The following ZNF12 variants were observed in gnomAD, a reference collection of about 807,000 sequenced individuals.
ZNF12 encodes the protein gonadotropin inducible transcription repressor 3.
In ZNF12, 34 loss-of-function variants were observed where a neutral mutation model predicts 66.6. The observed-to-expected ratio is 0.51, with a 90% CI of 0.39 to 0.68. The LOEUF (loss-of-function observed/expected upper bound fraction) is 0.68. ZNF12 is among the 30% of genes least tolerant of loss of function. The probability of loss-of-function intolerance (pLI) is 0.00; values close to 1 mark genes in which losing one functional copy is unlikely to be tolerated. For missense variants in ZNF12, 697 were observed against 826.9 expected (o/e 0.84, Z 1.93); for synonymous variants, 320 against 278.9 (o/e 1.15, Z -1.47).
rs1335691826 is a variant in ZNF12, at chr7:6,698,285, G to T, written c.16-474C>A. The stretch of plus-strand genomic sequence containing the variant: ...TCATCCTGAATGTTGTGGGCCTACG[G>T]CTGTCTTGAGTCTTTTTCTCTTTGC... On this transcript the variant is annotated intron_variant, in intron 2 of 4. Transcript: ENST00000405858. The surrounding 1 kb of genome is among the most constrained non-coding windows in gnomAD (Gnocchi z 4.4). Among the ~76,000 whole-genome samples, 2 of 152,116 alleles carry T rather than the reference G, an allele frequency of 1.3e-5. No individual in the cohort carries two copies. The highest frequency in any genetic ancestry group is 2.4e-5 in the African/African-American group (1 of 41,428).
chr7:6,693,680 C>A (rs1350412357), intron 4 of ZNF12, among the ~76,000 whole-genome samples: 6 of 152,208 alleles, frequency 3.9e-5, no homozygotes, highest in Admixed American at 3.9e-4. Context: ...TGTAGGATTG[C>A]AGCAGTTAAT....
intron 2 of ZNF12, among the ~76,000 whole-genome samples, chr7:6,701,764 C>G (rs1345646472): frequency 6.6e-6 from 1 of 152,078 alleles, no homozygotes; most frequent in South Asian, 2.1e-4. Context: ...TCTCTGTCCC[C>G]TCTGGCTGAC....
rs774566362 is a variant in ZNF12, at chr7:6,697,675, CT to C, written c.142+9del. 3 of 1,613,608 alleles carry C rather than the reference CT, an allele frequency of 1.9e-6. No individual in the cohort carries two copies. The highest frequency in any genetic ancestry group is 2.5e-6 in the Non-Finnish European group (3 of 1,179,842). On this transcript the variant is annotated intron_variant, in intron 3 of 4. Transcript: ENST00000405858. The surrounding 1 kb of genome is among the most constrained non-coding windows in gnomAD (Gnocchi z 6.1). Reference sequence around the variant, plus strand: ...ATATTTTAGCAACTGAGAAAGCAAGCTATCCTCACCCACAGAAACTAGATTG... The same window carrying C: ...ATATTTTAGCAACTGAGAAAGCAAGCATCCTCACCCACAGAAACTAGATTG...
chr7:6,703,117 A>G (rs1780284311), intron 2 of ZNF12, among the ~76,000 whole-genome samples: 1 of 152,038 alleles, frequency 6.6e-6, no homozygotes. Context: ...CACAGCCCAA[A>G]TTTTAAACAT....
chr7:6,692,583 G>A lies in ZNF12; in HGVS notation c.359C>T (p.Thr120Ile). The change falls in exon 5 of 5, where the codon ACT (threonine) becomes ATT (isoleucine). Residue 120 changes from threonine to isoleucine, a missense_variant. Physicochemically the swap from Thr to Ile is moderately conservative, Grantham distance 89. Around this residue, in one of 3 missense-constraint regions of ZNF12, gnomAD observed 241 missense variants for 224.0 expected, o/e 1.08. Transcript: ENST00000405858. The surrounding 1 kb of genome is among the most constrained non-coding windows in gnomAD (Gnocchi z 5.1). ...IEERGNVPGK[T>I]FDVETNPVPS... The stretch of plus-strand genomic sequence containing the variant: ...AACAGGGTTCGTTTCTACATCAAAA[G>A]TTTTACCAGGAACATTACCTCTCTC... 1.9e-6 allele frequency: 3 copies of A among 1,613,818 alleles called. No individual in the cohort carries two copies.
rs1780366721 is a variant in ZNF12 at position 6,706,795 on chromosome 7, C to G, written c.-414G>C. 1 of 268,924 alleles carries G rather than the reference C, an allele frequency of 3.7e-6. No individual in the cohort carries two copies. Among genetic ancestry groups the G allele is most frequent in the African/African-American group, 2.4e-5 (1 of 42,134 alleles). 16.7% of individuals were successfully genotyped at this position (268,924 alleles called of 1,614,324 possible). On this transcript the variant is annotated 5_prime_UTR_variant, in exon 1 of 5. Coordinates refer to ENST00000405858, the MANE Select transcript of ZNF12 (RefSeq NM_016265.4). The stretch of plus-strand genomic sequence containing the variant: ...TGCTCGGGGATCCCCGCTTGAGCCT[C>G]CGCCTGGCCCGCACAGCCCCGCGCC...
In ZNF12 at chr7:6,696,022, C is replaced by A. The variant is rs781452186; in HGVS notation, c.238+1317G>T. ...AATACAGGCCTAATATTGTTGAGAT[C>A]CTTAAGGGACAAGGAATTAAAATTC... On this transcript the variant is annotated intron_variant, in intron 4 of 4. Transcript: ENST00000405858. This position sits in a 1 kb window ranked among gnomAD's most constrained non-coding sequence, Gnocchi z 4.0. Among the ~76,000 whole-genome samples the A allele has an allele frequency of 7.2e-5, 11 of 152,136 alleles. No homozygotes were observed. The highest frequency in any genetic ancestry group is 1.5e-4 in the Non-Finnish European group (10 of 68,024).
intron 2 of ZNF12, among the ~76,000 whole-genome samples, chr7:6,703,968 G>T (rs936845298): frequency 3.3e-5 from 5 of 152,162 alleles, no homozygotes; most frequent in African/African-American, 9.7e-5. Context: ...GGATAAAATG[G>T]GCATCTATGC....
chr7:6,689,352 T>A lies in ZNF12; in HGVS notation c.*1496A>T, dbSNP rs1780032250. ...GACAAGGTACTGTTCACCACAAGAT[T>A]CCACTTCCCTTTGCTTGAATCCTTG... is the stretch of plus-strand genomic sequence containing the variant. On this transcript the variant is annotated 3_prime_UTR_variant, in exon 5 of 5. Transcript: ENST00000405858. The A allele has an allele frequency of 6.6e-6, 1 of 152,194 alleles. No individual in the cohort carries two copies. The highest frequency in any genetic ancestry group is 6.5e-5 in the Admixed American group (1 of 15,272). The allele number at this position is 152,194 out of a possible 1,614,324, so 9.4% of individuals were successfully genotyped here.
rs979081080 is a variant in ZNF12 at position 6,696,822 on chromosome 7, G to C, written c.238+517C>G. On this transcript the variant is annotated intron_variant, in intron 4 of 4. Transcript: ENST00000405858. This position sits in a 1 kb window ranked among gnomAD's most constrained non-coding sequence, Gnocchi z 4.0. ...CTGGGTCTCAGGAATGAGCAGCACT[G>C]TCCAATGAAGCACAGGTGCACATGA... is the stretch of plus-strand genomic sequence containing the variant. Among the ~76,000 whole-genome samples the C allele has an allele frequency of 6.6e-6, 1 of 152,092 alleles. No individual in the cohort carries two copies. The highest frequency in any genetic ancestry group is 2.4e-5 in the African/African-American group (1 of 41,416).
Position 6,692,564 on chromosome 7 carries a change from G to C in ZNF12, c.378C>G (p.Asn126Lys). 1 of 1,613,798 alleles carries C rather than the reference G, an allele frequency of 6.2e-7. No homozygotes were observed. The highest frequency in any genetic ancestry group is 1.1e-5 in the South Asian group (1 of 91,066). The change falls in exon 5 of 5, where the codon AAC (asparagine) becomes AAG (lysine). Residue 126 changes from asparagine to lysine, a missense_variant. This residue lies in a region of ZNF12 where 241 missense variants were observed against 224.0 expected (regional missense o/e 1.08). Transcript: ENST00000405858. This position sits in a 1 kb window ranked among gnomAD's most constrained non-coding sequence, Gnocchi z 5.1. ...AGGCTATTTTTCTTGAAGGAACAGG[G>C]TTCGTTTCTACATCAAAAGTTTTAC... ...VPGKTFDVET[N>K]PVPSRKIAYK...
rs980006894 is a variant in ZNF12, at chr7:6,690,602, G to A, written c.*246C>T. 19 of 387,198 alleles carry A rather than the reference G, an allele frequency of 4.9e-5. No homozygotes were observed. The highest frequency in any genetic ancestry group is 3.7e-4 in the African/African-American group (18 of 48,646). 24.0% of individuals were successfully genotyped at this position (387,198 alleles called of 1,614,324 possible). ...ATGCAAAACAGTTCCAATCCATGGT[G>A]ACATGTATATACATTCTTAATATTT... is the stretch of plus-strand genomic sequence containing the variant. On this transcript the variant is annotated 3_prime_UTR_variant, in exon 5 of 5. Coordinates refer to ENST00000405858, the MANE Select transcript of ZNF12 (RefSeq NM_016265.4).
Position 6,698,010 on chromosome 7 carries a change from C to G in ZNF12, c.16-199G>C, listed in dbSNP as rs781099181. 2 of 789,478 alleles carry G rather than the reference C, an allele frequency of 2.5e-6. No homozygotes were observed. Among genetic ancestry groups the G allele is most frequent in the Non-Finnish European group, 4.5e-6 (2 of 446,894 alleles). 48.9% of individuals were successfully genotyped at this position (789,478 alleles called of 1,614,324 possible). A position where few individuals can be genotyped will look rare whatever the true frequency, so the allele number is the denominator to read the frequency against. ...TATACATCAAACAAAAAACAAAAAA[C>G]AAAAAAACAACACTGGGATTGCACG... On this transcript the variant is annotated intron_variant, in intron 2 of 4. Transcript: ENST00000405858. The surrounding 1 kb of genome is among the most constrained non-coding windows in gnomAD (Gnocchi z 4.4).
chr7:6,695,152 T>C (rs540524968), intron 4 of ZNF12, among the ~76,000 whole-genome samples: 51 of 152,304 alleles, frequency 3.3e-4, no homozygotes, highest in African/African-American at 1.2e-3. Context: ...CCTGACCTCA[T>C]GATCTGCCCG....
At chr7:6,701,600 G>A (rs143802644) in intron 2 of ZNF12, among the ~76,000 whole-genome samples, 3 of 152,126 alleles carry the variant, frequency 2.0e-5, no homozygotes, top group Non-Finnish European at 4.4e-5. Flanking sequence ...GAGCATGTGT[G>A]GGGGTGGTTA....
intron 2 of ZNF12, chr7:6,704,416 C>A (rs978520229): frequency 1.3e-5 from 2 of 151,388 alleles, no homozygotes; most frequent in Admixed American, 6.6e-5. Flanking sequence ...ACCTTTGAGA[C>A]AACAATGTTT....
At chr7:6,693,249 C>A (rs927962498) in intron 4 of ZNF12, among the ~76,000 whole-genome samples, 14 of 152,176 alleles carry the variant, frequency 9.2e-5, no homozygotes, top group Non-Finnish European at 1.8e-4. Flanking sequence ...TAGACTACAT[C>A]CTTCCAAACT....
rs1780348722 is a variant in ZNF12 at position 6,705,941 on chromosome 7, G to A, written c.-51+491C>T. Among the ~76,000 whole-genome samples, 1 of 152,122 alleles carries A rather than the reference G, an allele frequency of 6.6e-6. No homozygotes were observed. Among genetic ancestry groups the A allele is most frequent in the Admixed American group, 6.5e-5 (1 of 15,268 alleles). ...ACGCTCACTTAACTAGGATACGGGG[G>A]ACAGAACACTGGCCTGGGAGATAAA... On this transcript the variant is annotated intron_variant, in intron 1 of 4. Transcript: ENST00000405858. The surrounding 1 kb of genome is among the most constrained non-coding windows in gnomAD (Gnocchi z 4.0).
rs1780179886 is a variant in ZNF12 at position 6,698,052 on chromosome 7, C to G, written c.16-241G>C. ...GATTGCACGGTGAGCCAGAAACAAT[C>G]CTGGCTGTTGGGAACTCTTAACACC... is the stretch of plus-strand genomic sequence containing the variant. On this transcript the variant is annotated intron_variant, in intron 2 of 4. Transcript: ENST00000405858. This position sits in a 1 kb window ranked among gnomAD's most constrained non-coding sequence, Gnocchi z 4.4. 1 of 705,326 alleles carries G rather than the reference C, an allele frequency of 1.4e-6. No individual in the cohort carries two copies. Among genetic ancestry groups the G allele is most frequent in the Admixed American group, 1.8e-5 (1 of 55,966 alleles). The allele number at this position is 705,326 out of a possible 1,614,324, so 43.7% of individuals were successfully genotyped here.
Sources: allele counts gnomAD v4.1 joint callset (sites outside exome capture counted in the v4.1 genomes callset), GRCh38; gene constraint gnomAD v4.1.1; regional missense constraint gnomAD v4.1.1; non-coding constraint Gnocchi (gnomAD v3.1); transcripts MANE v1.5; gene names NCBI Gene and HGNC (gene_info 2026-07-23, HGNC 2026-07-21).